ZDHHC17: variants seen among roughly 807,000 people sequenced by gnomAD.
The protein encoded by ZDHHC17 is palmitoyltransferase ZDHHC17.
Under a neutral mutation model 90.3 loss-of-function variants are expected in ZDHHC17, and 40 were observed. The observed-to-expected ratio is 0.44, with a 90% CI of 0.34 to 0.58. ZDHHC17 has a LOEUF of 0.58. Among genes scored for constraint, ZDHHC17 ranks in the 20% least tolerant of loss-of-function variants. The pLI is 0.01. For missense variants in ZDHHC17, 614 were observed against 780.8 expected (o/e 0.79, Z 2.55); for synonymous variants, 235 against 252.4 (o/e 0.93, Z 0.65).
chr12:76,803,491 T>C (rs545250850), intron 2 of ZDHHC17, among the ~76,000 whole-genome samples: 2 of 152,306 alleles, frequency 1.3e-5, no homozygotes, highest in South Asian at 2.1e-4. Flanking sequence ...CGTCATCTGC[T>C]GAGGCAATGG....
At chr12:76,774,260 A>ATG (rs1402270012) in intron 1 of ZDHHC17, among the ~76,000 whole-genome samples, 1 of 78,830 alleles carries the variant, frequency 1.3e-5, no homozygotes, top group Non-Finnish European at 2.7e-5. Context: ...AAAATAAAGA[A>ATG]TGTGTGTGTA....
chr12:76,783,777 A>G lies in ZDHHC17; in HGVS notation c.94-13657A>G, dbSNP rs572607490. ...TTAAGTATCTTGAGATGGAGGGATT[A>G]TTTTGGTTAGCTGAGCCCTAAATGT... is the stretch of plus-strand genomic sequence containing the variant. On this transcript the variant is annotated intron_variant, in intron 1 of 16. Coordinates refer to ENST00000426126, the MANE Select transcript of ZDHHC17 (RefSeq NM_015336.4). Among the ~76,000 whole-genome samples the G allele has an allele frequency of 1.4e-3, 210 of 152,374 alleles. 1 individual carries two copies. The highest frequency in any genetic ancestry group is 4.7e-3 in the African/African-American group (197 of 41,596).
At chr12:76,823,964 A>G (rs1378602842) in intron 8 of ZDHHC17, among the ~76,000 whole-genome samples, 1 of 152,190 alleles carries the variant, frequency 6.6e-6, no homozygotes, top group East Asian at 1.9e-4. Flanking sequence ...CAACAGAGTG[A>G]AAAATGGCTG....
chr12:76,799,948 A>C (rs1952866938), intron 2 of ZDHHC17, among the ~76,000 whole-genome samples: 1 of 152,202 alleles, frequency 6.6e-6, no homozygotes, highest in African/African-American at 2.4e-5. Flanking sequence ...TTTATGTTTC[A>C]TATACACATA....
intron 9 of ZDHHC17, among the ~76,000 whole-genome samples, chr12:76,827,369 A>G (rs374022706): frequency 6.6e-6 from 1 of 152,166 alleles, no homozygotes; most frequent in Admixed American, 6.5e-5. Context: ...GGTAATTACA[A>G]TACTTGAGCT....
chr12:76,829,526 A>G (rs1953274247), intron 10 of ZDHHC17, among the ~76,000 whole-genome samples: 1 of 151,488 alleles, frequency 6.6e-6, no homozygotes, highest in South Asian at 2.1e-4. Context: ...TATACTTGAG[A>G]AAAATTTAGG....
intron 1 of ZDHHC17, among the ~76,000 whole-genome samples, chr12:76,780,372 C>T (rs1952608365): frequency 1.3e-5 from 2 of 152,176 alleles, no homozygotes; most frequent in South Asian, 4.1e-4. Context: ...TTTCTGTCTC[C>T]TCATGCCCAC....
rs1953562501 is a variant in ZDHHC17 at position 76,851,117 on chromosome 12, A to T, written c.*132A>T. Reference sequence around the variant, plus strand: ...GTGTAGGGCTAATGGTGAATTTTACAGTCTTTTTTTCAACACTTTTATTAA... The same window carrying T: ...GTGTAGGGCTAATGGTGAATTTTACTGTCTTTTTTTCAACACTTTTATTAA... On this transcript the variant is annotated 3_prime_UTR_variant, in exon 17 of 17. Transcript: ENST00000426126. The T allele has an allele frequency of 8.9e-7, 1 of 1,120,978 alleles. No individual in the cohort carries two copies. 69.4% of individuals were successfully genotyped at this position (1,120,978 alleles called of 1,614,324 possible).
At chr12:76,804,557 T>C in intron 2 of ZDHHC17, among the ~76,000 whole-genome samples, 1 of 152,088 alleles carries the variant, frequency 6.6e-6, no homozygotes, top group East Asian at 1.9e-4. Flanking sequence ...ACCTAGTGGG[T>C]CACAATAAGT....
chr12:76,795,219 T>TGTGG (rs1952804861), intron 1 of ZDHHC17, among the ~76,000 whole-genome samples: 1 of 148,946 alleles, frequency 6.7e-6, no homozygotes, highest in South Asian at 2.1e-4. Flanking sequence ...GGTTCATGGG[T>TGTGG]GTGTGTGTGT....
At chr12:76,833,240 A>G (rs1010967838) in intron 10 of ZDHHC17, among the ~76,000 whole-genome samples, 9 of 152,092 alleles carry the variant, frequency 5.9e-5, no homozygotes, top group African/African-American at 2.2e-4. Flanking sequence ...TTTCCAAATA[A>G]TTATTTGATT....
Position 76,828,435 on chromosome 12 carries a change from A to G in ZDHHC17, c.1086A>G (p.Ile362Met). 6.2e-7 allele frequency: 1 copy of G among 1,613,318 alleles called. No individual in the cohort carries two copies. The highest frequency in any genetic ancestry group is 8.5e-7 in the Non-Finnish European group (1 of 1,179,554). The part of the protein sequence containing the change: ...HSMHSALPLG[I>M]YLATKFWMYV... Reference sequence around the variant, plus strand: ...TGCATAGTGCATTGCCCCTTGGGATATATTTGGCAACCAAATTCTGGATGT... The same window carrying G: ...TGCATAGTGCATTGCCCCTTGGGATGTATTTGGCAACCAAATTCTGGATGT... Residue 362 changes from isoleucine (I) to methionine (M), a missense_variant, in exon 10 of 17, where the codon ATA becomes ATG. Coordinates refer to ENST00000426126, the MANE Select transcript of ZDHHC17 (RefSeq NM_015336.4).
chr12:76,794,720 C>T (rs1366581825), intron 1 of ZDHHC17, among the ~76,000 whole-genome samples: 4 of 151,968 alleles, frequency 2.6e-5, no homozygotes, highest in Non-Finnish European at 4.4e-5. Context: ...TTTTTAAGCT[C>T]GCATTTGGCA....
At chr12:76,834,471 G>A (rs10778951) in intron 10 of ZDHHC17, among the ~76,000 whole-genome samples, 92,812 of 151,948 alleles carry the variant, frequency 0.61, 28,414 homozygotes, top group East Asian at 0.67. Context: ...TGCAGAATTA[G>A]TTATCTCCCA....
At chr12:76,777,304 T>C (rs1049787008) in intron 1 of ZDHHC17, among the ~76,000 whole-genome samples, 10 of 152,190 alleles carry the variant, frequency 6.6e-5, no homozygotes, top group South Asian at 2.1e-4. Context: ...CCTTATGGGA[T>C]TGGCTTTTCT....
intron 3 of ZDHHC17, among the ~76,000 whole-genome samples, chr12:76,807,033 G>A (rs1347097539): frequency 6.6e-6 from 1 of 152,188 alleles, no homozygotes; most frequent in Non-Finnish European, 1.5e-5. Context: ...GAATGGTTGT[G>A]TGTTAAAATC....
At chr12:76,799,060 C>G (rs955682254) in intron 2 of ZDHHC17, among the ~76,000 whole-genome samples, 1 of 152,056 alleles carries the variant, frequency 6.6e-6, no homozygotes, top group Non-Finnish European at 1.5e-5. Flanking sequence ...CCGCTTGTGC[C>G]TGAGAATTCG....
At chr12:76,766,906 G>A (rs568336629) in intron 1 of ZDHHC17, among the ~76,000 whole-genome samples, 1 of 151,964 alleles carries the variant, frequency 6.6e-6, no homozygotes, top group Non-Finnish European at 1.5e-5. Context: ...TGTAGTCCCA[G>A]CTAATCGGAT....
chr12:76,831,242 A>G (rs1188180253), intron 10 of ZDHHC17, among the ~76,000 whole-genome samples: 6 of 152,198 alleles, frequency 3.9e-5, no homozygotes, highest in African/African-American at 1.4e-4. Flanking sequence ...GCACCTTATC[A>G]TTTCTGATGA....
Sources: allele counts gnomAD v4.1 joint callset (sites outside exome capture counted in the v4.1 genomes callset), GRCh38; gene constraint gnomAD v4.1.1; transcripts MANE v1.5; gene names NCBI Gene and HGNC (gene_info 2026-07-23, HGNC 2026-07-21).